PLXDC2: variants seen among roughly 807,000 people sequenced by gnomAD.
PLXDC2 encodes the protein plexin domain-containing protein 2.
In PLXDC2, 40 loss-of-function variants were observed where a neutral mutation model predicts 68.9. The ratio of observed to expected loss-of-function variants is 0.58; its 90% CI spans 0.45 to 0.76. The LOEUF (loss-of-function observed/expected upper bound fraction) is 0.76. PLXDC2 is among the 30% of genes least tolerant of loss of function. The probability of loss-of-function intolerance (pLI) is 0.00; values close to 1 mark genes in which losing one functional copy is unlikely to be tolerated. For synonymous variants in PLXDC2, 243 were observed against 234.2 expected, an observed-to-expected ratio of 1.04 and a Z score of -0.34; for missense variants, 644 against 661.9, an observed-to-expected ratio of 0.97 and a Z score of 0.30.
At chr10:19,929,281 T>C (rs1039978857) in intron 1 of PLXDC2, among the ~76,000 whole-genome samples, 1 of 152,002 alleles carries the variant, frequency 6.6e-6, no homozygotes, top group Non-Finnish European at 1.5e-5. Flanking sequence ...GTAGCAGTTT[T>C]TTACTGGGGA....
intron 1 of PLXDC2, among the ~76,000 whole-genome samples, chr10:19,996,025 C>T (rs576360223): frequency 1.3e-5 from 2 of 152,196 alleles, no homozygotes; most frequent in African/African-American, 4.8e-5. Context: ...GATGGGGTGT[C>T]TTATAGTTGA....
intron 9 of PLXDC2, among the ~76,000 whole-genome samples, chr10:20,201,029 C>G (rs1201324337): frequency 2.0e-5 from 3 of 151,986 alleles, no homozygotes; most frequent in African/African-American, 7.2e-5. Flanking sequence ...CTACTAGACA[C>G]TGATGCAAAG....
chr10:20,082,067 A>AAAAAAAAAAAAAAAAG (rs1836573705), intron 4 of PLXDC2, among the ~76,000 whole-genome samples: 1 of 147,488 alleles, frequency 6.8e-6, no homozygotes, highest in East Asian at 2.0e-4. Flanking sequence ...AAAAAATCAA[A>AAAAAAAAAAAAAAAAG]AAAAAAAAAC....
chr10:20,045,243 C>T (rs536433344), intron 2 of PLXDC2, among the ~76,000 whole-genome samples: 2 of 152,228 alleles, frequency 1.3e-5, no homozygotes, highest in Admixed American at 1.3e-4. Context: ...ACGATCTTGG[C>T]TCACTGCAAC....
At chr10:20,043,967 C>T (rs1835730565) in intron 2 of PLXDC2, among the ~76,000 whole-genome samples, 1 of 152,028 alleles carries the variant, frequency 6.6e-6, no homozygotes, top group Non-Finnish European at 1.5e-5. Flanking sequence ...AGTTATGATT[C>T]TTTTCGTTGA....
chr10:20,006,554 C>G (rs1422985421), intron 2 of PLXDC2, among the ~76,000 whole-genome samples: 1 of 152,094 alleles, frequency 6.6e-6, no homozygotes, highest in Non-Finnish European at 1.5e-5. Flanking sequence ...ATTGTCTCGA[C>G]TTTATGTTCT....
chr10:19,879,966 T>C (rs1837699061), intron 1 of PLXDC2, among the ~76,000 whole-genome samples: 1 of 152,226 alleles, frequency 6.6e-6, no homozygotes, highest in African/African-American at 2.4e-5. Flanking sequence ...TTTTGACTCA[T>C]GTGGATTGAC....
intron 12 of PLXDC2, among the ~76,000 whole-genome samples, chr10:20,241,933 G>C (rs915210063): frequency 6.6e-6 from 1 of 152,104 alleles, no homozygotes; most frequent in African/African-American, 2.4e-5. Flanking sequence ...TGGATGGGTG[G>C]ATAGATGGAT....
chr10:20,059,386 C>T (rs1836058684), intron 3 of PLXDC2, among the ~76,000 whole-genome samples: 1 of 152,162 alleles, frequency 6.6e-6, no homozygotes, highest in Admixed American at 6.6e-5. Context: ...GGGAACCATG[C>T]AGTGAGAGAG....
At position 19,817,106 on chromosome 10, in the gene PLXDC2, G is replaced by A; in HGVS notation, c.27G>A (p.Leu9=). The A allele has an allele frequency of 6.4e-7, 1 of 1,562,712 alleles. No individual in the cohort carries two copies. Among genetic ancestry groups the A allele is most frequent in the Non-Finnish European group, 8.7e-7 (1 of 1,151,702 alleles). ...TGGCGAGGTTCCCGAAGGCCGACCT[G>A]GCCGCTGCAGGAGTTATGTTACTTT... is the stretch of plus-strand genomic sequence containing the variant. MARFPKAD[L]AAAGVMLLCH... The change falls in exon 1 of 14, where the codon CTG becomes CTA. Residue 9 remains leucine, a synonymous_variant. Transcript: ENST00000377252.
At chr10:20,114,395 A>G (rs1343544871) in intron 4 of PLXDC2, among the ~76,000 whole-genome samples, 1 of 152,228 alleles carries the variant, frequency 6.6e-6, no homozygotes, top group African/African-American at 2.4e-5. Context: ...TTACTTGTAA[A>G]TCCAGTGAGT....
At chr10:20,233,377 AG>A (rs1326355145) in intron 12 of PLXDC2, among the ~76,000 whole-genome samples, 1 of 149,964 alleles carries the variant, frequency 6.7e-6, no homozygotes, top group East Asian at 2.0e-4. Context: ...ATTTAAAAAA[AG>A]TAGGTGGGCA....
intron 1 of PLXDC2, among the ~76,000 whole-genome samples, chr10:19,847,609 A>G (rs1837032329): frequency 6.6e-6 from 1 of 152,210 alleles, no homozygotes; most frequent in Admixed American, 6.5e-5. Flanking sequence ...GGGAAATTCC[A>G]TACACATTTA....
chr10:19,938,323 T>A (rs573406114), intron 1 of PLXDC2, among the ~76,000 whole-genome samples: 4 of 152,164 alleles, frequency 2.6e-5, no homozygotes, highest in Non-Finnish European at 5.9e-5. Flanking sequence ...CATTCTCATA[T>A]TGTTATAAAT....
chr10:19,934,151 C>T (rs752522442), intron 1 of PLXDC2, among the ~76,000 whole-genome samples: 6 of 152,280 alleles, frequency 3.9e-5, no homozygotes, highest in Admixed American at 1.3e-4. Flanking sequence ...TGTAGTCTGT[C>T]GTGGTAGATA....
intron 1 of PLXDC2, among the ~76,000 whole-genome samples, chr10:19,840,894 A>G (rs1332088434): frequency 6.6e-6 from 1 of 152,190 alleles, no homozygotes; most frequent in Non-Finnish European, 1.5e-5. Context: ...TGCTATTATC[A>G]GAGAACTGAT....
At chr10:19,882,207 T>G (rs1216917791) in intron 1 of PLXDC2, among the ~76,000 whole-genome samples, 2 of 152,250 alleles carry the variant, frequency 1.3e-5, no homozygotes, top group Non-Finnish European at 2.9e-5. Context: ...TAAAGCTGCT[T>G]GTTTTTCCTC....
chr10:20,149,214 C>CTTTTTTTTTTTTTTTT (rs71200985), intron 6 of PLXDC2, among the ~76,000 whole-genome samples: 1 of 112,388 alleles, frequency 8.9e-6, no homozygotes, highest in Non-Finnish European at 1.7e-5. Flanking sequence ...ATTTTTCTTT[C>CTTTTTTTTTTTTTTTT]TTTTTTTTTC....
At chr10:20,231,634 A>G (rs1404944990) in intron 12 of PLXDC2, among the ~76,000 whole-genome samples, 4 of 151,982 alleles carry the variant, frequency 2.6e-5, no homozygotes, top group Non-Finnish European at 4.4e-5. Context: ...GAGAATATTA[A>G]CACAGTCATA....
Sources: allele counts gnomAD v4.1 joint callset (sites outside exome capture counted in the v4.1 genomes callset), GRCh38; gene constraint gnomAD v4.1.1; transcripts MANE v1.5; gene names NCBI Gene and HGNC (gene_info 2026-07-23, HGNC 2026-07-21).